The following TCF7L1 variants were observed in gnomAD, a reference collection of about 807,000 sequenced individuals.
The protein encoded by TCF7L1 is transcription factor 7-like 1.
TCF7L1 carries 18 observed loss-of-function variants against 63.7 expected under a neutral mutation model. That is an observed-to-expected ratio of 0.28 (90% CI 0.20 to 0.42). The LOEUF (loss-of-function observed/expected upper bound fraction) is 0.42, where lower values mean the gene tolerates loss of function less well. Among genes scored for constraint, TCF7L1 ranks in the 10% least tolerant of loss-of-function variants. The pLI is 1.00. For missense variants in TCF7L1, 654 were observed against 779.3 expected, an observed-to-expected ratio of 0.84 and a Z score of 1.91; for synonymous variants, 355 against 340.9, an observed-to-expected ratio of 1.04 and a Z score of -0.46.
At chr2:85,172,197 C>G (rs1023237034) in intron 3 of TCF7L1, among the ~76,000 whole-genome samples, 4 of 152,146 alleles carry the variant, frequency 2.6e-5, no homozygotes, top group African/African-American at 9.7e-5. Context: ...TACCAACAAG[C>G]ATCAGACAAT....
intron 3 of TCF7L1, among the ~76,000 whole-genome samples, chr2:85,155,353 C>T (rs761169655): frequency 6.6e-6 from 1 of 152,214 alleles, no homozygotes; most frequent in East Asian, 1.9e-4. Flanking sequence ...CAGCAACGCT[C>T]TGTGGAAGCT....
Position 85,306,460 on chromosome 2 carries a change from C to T in TCF7L1, c.1158C>T (p.Asn386=), listed in dbSNP as rs370177282. The change falls in exon 10 of 12, where the codon AAC becomes AAT. Residue 386 remains asparagine (N), a synonymous_variant. Transcript: ENST00000282111. This position sits in a 1 kb window ranked among gnomAD's most constrained non-coding sequence, Gnocchi z 4.3. ...INQILGRKWH[N]LSREEQAKYY... ...GACCCTCTCTCCCCCAGTGGCACAA[C>T]CTGTCTCGAGAAGAACAGGCCAAGT... 67 of 1,614,136 alleles carry T rather than the reference C, an allele frequency of 4.2e-5. No individual in the cohort carries two copies. In the East Asian group the frequency reaches 8.2e-4, roughly 20 times the overall value.
intron 3 of TCF7L1, among the ~76,000 whole-genome samples, chr2:85,271,242 A>G (rs1681146913): frequency 6.6e-6 from 1 of 151,960 alleles, no homozygotes. Flanking sequence ...CCTCCCAAGT[A>G]GCTAGGATTA....
intron 3 of TCF7L1, among the ~76,000 whole-genome samples, chr2:85,162,418 C>G (rs1265423353): frequency 6.6e-6 from 1 of 152,152 alleles, no homozygotes; most frequent in Admixed American, 6.5e-5. Flanking sequence ...AGGTAGAAGG[C>G]AGCCCCTGCT....
rs372266935 is a variant in TCF7L1, at chr2:85,211,433, G to A, written c.442-72062G>A. Among the ~76,000 whole-genome samples, 3 of 152,186 alleles carry A rather than the reference G, an allele frequency of 2.0e-5. No homozygotes were observed. The South Asian group carries it at 6.2e-4, about 32-fold the overall frequency. ...TACCAACCTCAACAGGTCATTATGA[G>A]GATTAAATGAGACAACACATGGGAA... On this transcript the variant is annotated intron_variant, in intron 3 of 11. Transcript: ENST00000282111.
intron 3 of TCF7L1, among the ~76,000 whole-genome samples, chr2:85,181,706 C>T (rs1019588428): frequency 6.6e-6 from 1 of 152,182 alleles, no homozygotes; most frequent in Admixed American, 6.5e-5. Flanking sequence ...GTCCGTGTGT[C>T]TGCATCTTAA....
chr2:85,159,250 C>G (rs1678225470), intron 3 of TCF7L1, among the ~76,000 whole-genome samples: 1 of 152,110 alleles, frequency 6.6e-6, no homozygotes. Context: ...GGTTTACAGA[C>G]CACCCCTCGA....
At chr2:85,250,621 G>C (rs995554472) in intron 3 of TCF7L1, among the ~76,000 whole-genome samples, 1 of 152,102 alleles carries the variant, frequency 6.6e-6, no homozygotes, top group Non-Finnish European at 1.5e-5. Flanking sequence ...ATTTTTAGTA[G>C]AGACAGGGTT....
At chr2:85,242,027 G>GA (rs1680346092) in intron 3 of TCF7L1, among the ~76,000 whole-genome samples, 1 of 140,462 alleles carries the variant, frequency 7.1e-6, no homozygotes, top group African/African-American at 2.6e-5. Flanking sequence ...GTGGTGCGGG[G>GA]GGGCAAGAAT....
rs760979227 is a variant in TCF7L1, at chr2:85,133,952, C to T, written c.249+19C>T. 6.4e-7 allele frequency: 1 copy of T among 1,556,046 alleles called. No homozygotes were observed. On this transcript the variant is annotated intron_variant, in intron 1 of 11. Coordinates refer to ENST00000282111, the MANE Select transcript of TCF7L1 (RefSeq NM_031283.3). The surrounding 1 kb of genome is among the most constrained non-coding windows in gnomAD (Gnocchi z 4.4). ...CTCGGAGGTAAGGAAGCACCGCGGC[C>T]ACCCCCGGGGGATCCCGGCCCTGCG...
At chr2:85,150,526 C>T (rs1677984467) in intron 3 of TCF7L1, among the ~76,000 whole-genome samples, 1 of 152,034 alleles carries the variant, frequency 6.6e-6, no homozygotes, top group African/African-American at 2.4e-5. Flanking sequence ...GCCACCGCGC[C>T]CGGCCATGTT....
chr2:85,161,973 G>A (rs1678296722), intron 3 of TCF7L1, among the ~76,000 whole-genome samples: 1 of 152,186 alleles, frequency 6.6e-6, no homozygotes, highest in African/African-American at 2.4e-5. Context: ...GGCAAGCCAG[G>A]TGTTGGGCCA....
At chr2:85,239,104 CTTAACTGTGTAGAAT>C (rs1337910925) in intron 3 of TCF7L1, among the ~76,000 whole-genome samples, 8 of 152,058 alleles carry the variant, frequency 5.3e-5, no homozygotes, top group African/African-American at 1.9e-4. Flanking sequence ...AACGTAATTC[CTTAACTGTGTAGAAT>C]TTAACTGTGT....
chr2:85,283,382 G>C, intron 3 of TCF7L1, 113 bp from the exon 4 acceptor site: 1 of 1,038,518 alleles, frequency 9.6e-7, no homozygotes, highest in Non-Finnish European at 1.5e-6. Flanking sequence ...GCATGAAAAT[G>C]CAGGCCACCC....
chr2:85,247,885 A>C (rs1351493576), intron 3 of TCF7L1, among the ~76,000 whole-genome samples: 1 of 152,168 alleles, frequency 6.6e-6, no homozygotes, highest in African/African-American at 2.4e-5. Context: ...CAGTGATCCT[A>C]ATTGTAACCA....
chr2:85,208,847 T>C (rs1679476242), intron 3 of TCF7L1, among the ~76,000 whole-genome samples: 1 of 152,188 alleles, frequency 6.6e-6, no homozygotes, highest in African/African-American at 2.4e-5. Flanking sequence ...TTTTTACTTC[T>C]CCTGTTGAGA....
chr2:85,177,471 G>A (rs185493412), intron 3 of TCF7L1, among the ~76,000 whole-genome samples: 14 of 152,344 alleles, frequency 9.2e-5, no homozygotes, highest in Admixed American at 8.5e-4. Context: ...TTGGGAGGTC[G>A]AGGAAGAAGG....
chr2:85,279,799 G>T (rs1681367825), intron 3 of TCF7L1, among the ~76,000 whole-genome samples: 1 of 152,208 alleles, frequency 6.6e-6, no homozygotes. Context: ...CTGGAGCAGG[G>T]TCAGTCCCGG....
At chr2:85,185,754 G>A (rs1678903663) in intron 3 of TCF7L1, among the ~76,000 whole-genome samples, 1 of 152,118 alleles carries the variant, frequency 6.6e-6, no homozygotes, top group Admixed American at 6.5e-5. Context: ...GGCAGCTCAC[G>A]CCTGTGGCGG....
Sources: allele counts gnomAD v4.1 joint callset (sites outside exome capture counted in the v4.1 genomes callset), GRCh38; gene constraint gnomAD v4.1.1; non-coding constraint Gnocchi (gnomAD v3.1); transcripts MANE v1.5; gene names NCBI Gene and HGNC (gene_info 2026-07-23, HGNC 2026-07-21).